Variants in ATP2B2 observed in about 807,000 individuals in gnomAD.
ATP2B2 encodes plasma membrane calcium-transporting ATPase 2.
In ATP2B2, 15 loss-of-function variants were observed where a neutral mutation model predicts 120.0. That is an observed-to-expected ratio of 0.12 (90% confidence interval 0.08 to 0.19). The LOEUF (loss-of-function observed/expected upper bound fraction) is 0.19, where lower values mean the gene tolerates loss of function less well. Ranked by LOEUF, ATP2B2 falls within the 10% of genes least tolerant of loss-of-function variation. ATP2B2 has a pLI of 1.00. For synonymous variants in ATP2B2, 694 were observed against 700.3 expected (o/e 0.99, Z 0.14); for missense variants, 1,045 against 1,719.8 (o/e 0.61, Z 6.94).
At chr3:10,484,400 T>A (rs1411117013) in intron 1 of ATP2B2, among the ~76,000 whole-genome samples, 2 of 152,112 alleles carry the variant, frequency 1.3e-5, no homozygotes, top group Non-Finnish European at 2.9e-5. Context: ...CTGAGGGGTC[T>A]GCATGCAGGT....
rs553553451 is a variant in ATP2B2 at position 10,423,522 on chromosome 3, A to T, written c.200-12707T>A. Among the ~76,000 whole-genome samples the T allele has an allele frequency of 1.4e-4, 22 of 152,252 alleles. 3 individuals carry two copies. The South Asian group carries it at 4.4e-3, about 30-fold the overall frequency. ...GCCATTTCATATTCCCTCTGTATCA[A>T]CCTCACTGAAGAGATCTGGTTCAGC... On this transcript the variant is annotated intron_variant, in intron 2 of 22. Coordinates refer to ENST00000360273, the MANE Select transcript of ATP2B2 (RefSeq NM_001001331.4).
chr3:10,456,873 G>T (rs1352465387), intron 1 of ATP2B2, among the ~76,000 whole-genome samples: 2 of 152,234 alleles, frequency 1.3e-5, no homozygotes, highest in East Asian at 3.8e-4. Flanking sequence ...CCCCAGTGAT[G>T]GGGAACCCTC....
chr3:10,446,265 C>T (rs1272537810), intron 2 of ATP2B2, among the ~76,000 whole-genome samples: 1 of 152,180 alleles, frequency 6.6e-6, no homozygotes, highest in African/African-American at 2.4e-5. Flanking sequence ...AGTGATGATA[C>T]TCATCATGAA....
At chr3:10,443,536 G>A (rs1485527017) in intron 2 of ATP2B2, among the ~76,000 whole-genome samples, 1 of 151,652 alleles carries the variant, frequency 6.6e-6, no homozygotes, top group African/African-American at 2.4e-5. Context: ...GGGATGGGAG[G>A]ATGTTAACCC....
intron 2 of ATP2B2, among the ~76,000 whole-genome samples, chr3:10,423,643 C>T (rs557799787): frequency 6.6e-6 from 1 of 152,274 alleles, no homozygotes; most frequent in Non-Finnish European, 1.5e-5. Flanking sequence ...GGAGGGGCCT[C>T]CATGGTTGAG....
At chr3:10,357,812 C>G (rs1275470673) in intron 14 of ATP2B2, among the ~76,000 whole-genome samples, 1 of 152,188 alleles carries the variant, frequency 6.6e-6, no homozygotes, top group Non-Finnish European at 1.5e-5. Context: ...TGACTCACTC[C>G]GCCTGCCATG....
At chr3:10,512,462 G>GCACACA in intron 3 of ATP2B2, among the ~76,000 whole-genome samples, 1 of 55,834 alleles carries the variant, frequency 1.8e-5, no homozygotes, top group Admixed American at 1.7e-4. Flanking sequence ...TAAAGTGTGT[G>GCACACA]CGCACACACA....
In ATP2B2 at chr3:10,327,268, C is replaced by CCCAA. The variant is rs2059873988; in HGVS notation, c.*1545_*1546insTTGG. ...TCTCACCTGTGATACTGTAGGGTTT[C>CCCAA]AGAATGGCTTTCTGTTTGGGAAAGC... is the stretch of plus-strand genomic sequence containing the variant. On this transcript the variant is annotated 3_prime_UTR_variant, in exon 23 of 23. Transcript: ENST00000360273. 1 of 156,626 alleles carries CCCAA rather than the reference C, an allele frequency of 6.4e-6. No individual in the cohort carries two copies. Among genetic ancestry groups the CCCAA allele is most frequent in the Non-Finnish European group, 1.4e-5 (1 of 70,994 alleles). 9.7% of individuals were successfully genotyped at this position (156,626 alleles called of 1,614,324 possible).
At chr3:10,351,914 C>T (rs1213261526) in intron 14 of ATP2B2, among the ~76,000 whole-genome samples, 1 of 152,242 alleles carries the variant, frequency 6.6e-6, no homozygotes, top group Non-Finnish European at 1.5e-5. Context: ...GCCAGCCCTG[C>T]TGACACCTTG....
At chr3:10,357,710 A>G (rs1023214198) in intron 14 of ATP2B2, among the ~76,000 whole-genome samples, 21 of 152,194 alleles carry the variant, frequency 1.4e-4, no homozygotes, top group African/African-American at 4.8e-4. Context: ...TGGACCTAGC[A>G]GCTGAGTGAG....
Position 10,635,385 on chromosome 3 carries a change from C to T in ATP2B2, c.-459-15424G>A, listed in dbSNP as rs1262241715. On this transcript the variant is annotated intron_variant, in intron 1 of 21. Transcript: ENST00000646379. The surrounding 1 kb of genome is among the most constrained non-coding windows in gnomAD (Gnocchi z 4.3). The stretch of plus-strand genomic sequence containing the variant: ...AGTAATCAGAAAACAGCTCTAAAAG[C>T]CTCCTGCATTTCCCTTCCCTCCTCC... Among the ~76,000 whole-genome samples, 1 of 152,134 alleles carries T rather than the reference C, an allele frequency of 6.6e-6. No homozygotes were observed. The highest frequency in any genetic ancestry group is 1.5e-5 in the Non-Finnish European group (1 of 68,032).
In ATP2B2 at chr3:10,347,896, C is replaced by T. The variant is rs1267546384; in HGVS notation, c.2405-1759G>A. 3.3e-5 allele frequency among the ~76,000 whole-genome samples: 5 copies of T among 152,154 alleles called. No homozygotes were observed. Among genetic ancestry groups the T allele is most frequent in the African/African-American group, 9.7e-5 (4 of 41,422 alleles). On this transcript the variant is annotated intron_variant, in intron 16 of 22. Transcript: ENST00000360273. The surrounding 1 kb of genome is among the most constrained non-coding windows in gnomAD (Gnocchi z 5.2). ...TATGGTCACATTTCTGTTCTGTCCC[C>T]GCAGACCTCTCAGCAACTATTTCCA...
intron 2 of ATP2B2, among the ~76,000 whole-genome samples, chr3:10,573,263 A>G (rs1182858845): frequency 6.6e-6 from 1 of 152,136 alleles, no homozygotes; most frequent in Non-Finnish European, 1.5e-5. Flanking sequence ...TAATGCAATG[A>G]ATAATTGATT....
At chr3:10,386,534 A>T (rs1318313475) in intron 6 of ATP2B2, 22 bp from the exon 7 acceptor site, 9 of 1,613,940 alleles carry the variant, frequency 5.6e-6, no homozygotes, top group Admixed American at 1.7e-5. Flanking sequence ...TTTTTGAGAC[A>T]TGTTAATGAA....
chr3:10,337,079 G>T (rs901190818), intron 22 of ATP2B2, among the ~76,000 whole-genome samples: 14 of 152,212 alleles, frequency 9.2e-5, no homozygotes, highest in African/African-American at 3.1e-4. Flanking sequence ...TCTGAAACCG[G>T]CTTCCAGTCC....
At chr3:10,551,848 C>G (rs1444122690) in intron 2 of ATP2B2, among the ~76,000 whole-genome samples, 9 of 152,210 alleles carry the variant, frequency 5.9e-5, no homozygotes, top group Admixed American at 5.9e-4. Flanking sequence ...AAAGGGGACT[C>G]TAGCTTCTTC....
chr3:10,394,643 G>A lies in ATP2B2; in HGVS notation c.782-6241C>T, dbSNP rs1274930030. 2.1e-5 allele frequency: 9 copies of A among 423,726 alleles called. No homozygotes were observed. In the East Asian group the frequency reaches 5.9e-4, roughly 28 times the overall value. 26.2% of individuals were successfully genotyped at this position (423,726 alleles called of 1,614,324 possible). On this transcript the variant is annotated intron_variant, in intron 5 of 22. Coordinates refer to ENST00000360273, the MANE Select transcript of ATP2B2 (RefSeq NM_001001331.4). ...GACGGTGGCAGTGGTGGCAGGTCCG[G>A]CTCTCCCATGCCTGGCCTTCTGCTT... is the stretch of plus-strand genomic sequence containing the variant.
At chr3:10,447,048 C>G (rs925610294) in intron 2 of ATP2B2, among the ~76,000 whole-genome samples, 2 of 152,250 alleles carry the variant, frequency 1.3e-5, no homozygotes, top group Admixed American at 6.5e-5. Flanking sequence ...TTCCATGAAG[C>G]CTTCCCTGAC....
At chr3:10,669,168 CT>C (rs1406397221) in intron 1 of ATP2B2, among the ~76,000 whole-genome samples, 5 of 152,172 alleles carry the variant, frequency 3.3e-5, no homozygotes, top group Non-Finnish European at 4.4e-5. Context: ...TTGCCAAATG[CT>C]TTTCTCTTCC....
Sources: gnomAD v4.1 joint callset for allele counts (sites outside exome capture counted in the v4.1 genomes callset) on GRCh38, gnomAD v4.1.1 for gene constraint, Gnocchi (gnomAD v3.1) non-coding constraint, MANE v1.5 for transcripts, NCBI Gene and HGNC (gene_info 2026-07-23, HGNC 2026-07-21) for gene names.